GRID2: variants seen among roughly 807,000 people sequenced by gnomAD.
GRID2 encodes glutamate ionotropic receptor delta type subunit 2.
In GRID2, 33 loss-of-function variants were observed where a neutral mutation model predicts 114.8. The observed-to-expected ratio is 0.29, with a 90% CI of 0.22 to 0.38. GRID2 has a LOEUF of 0.38. Ranked by LOEUF, GRID2 falls within the 10% of genes least tolerant of loss-of-function variation. GRID2 has a pLI of 1.00. For synonymous variants in GRID2, 505 were observed against 449.9 expected (o/e 1.12, Z -1.55); for missense variants, 1,184 against 1,257.7 (o/e 0.94, Z 0.89).
chr4:92,379,928 G>A (rs1210272179), intron 1 of GRID2, among the ~76,000 whole-genome samples: 1 of 151,954 alleles, frequency 6.6e-6, no homozygotes, highest in Non-Finnish European at 1.5e-5. Context: ...AGAGGTGCCA[G>A]GCTGCACAAA....
At chr4:92,887,319 T>A (rs1746443963) in intron 2 of GRID2, among the ~76,000 whole-genome samples, 1 of 152,196 alleles carries the variant, frequency 6.6e-6, no homozygotes, top group Admixed American at 6.6e-5. Context: ...TGGTGCCTGG[T>A]GACTAGAAAA....
intron 11 of GRID2, among the ~76,000 whole-genome samples, chr4:93,458,869 G>T (rs530765310): frequency 1.3e-5 from 2 of 152,060 alleles, no homozygotes; most frequent in Non-Finnish European, 2.9e-5. Flanking sequence ...CCAAGAATGC[G>T]AATGTAAAGA....
chr4:92,612,477 G>A (rs1000774138), intron 2 of GRID2, among the ~76,000 whole-genome samples: 2 of 151,368 alleles, frequency 1.3e-5, no homozygotes, highest in Non-Finnish European at 3.0e-5. Flanking sequence ...CTTGCCAGTT[G>A]CTGCAAAATA....
chr4:92,596,917 A>G (rs1464684943), intron 2 of GRID2, among the ~76,000 whole-genome samples: 1 of 152,062 alleles, frequency 6.6e-6, no homozygotes, highest in Non-Finnish European at 1.5e-5. Flanking sequence ...ATAAAAATGT[A>G]TTTGAGGAAA....
intron 11 of GRID2, 50 bp downstream of exon 11, chr4:93,456,024 T>A: frequency 9.3e-7 from 1 of 1,073,118 alleles, no homozygotes. Flanking sequence ...GAATGTGATG[T>A]TTCCAAAGCC....
intron 1 of GRID2, among the ~76,000 whole-genome samples, chr4:93,800,465 A>G (rs904296876): frequency 1.3e-5 from 2 of 152,242 alleles, no homozygotes; most frequent in African/African-American, 4.8e-5. Context: ...AAACAGGATT[A>G]GTTTATGTTG....
At chr4:93,678,321 T>G (rs914908589) in intron 14 of GRID2, among the ~76,000 whole-genome samples, 3 of 152,106 alleles carry the variant, frequency 2.0e-5, no homozygotes, top group East Asian at 1.9e-4. Context: ...TGAAAGTGAC[T>G]GGGAGAATGG....
chr4:92,325,221 T>G (rs764083252), intron 1 of GRID2, among the ~76,000 whole-genome samples: 1 of 151,948 alleles, frequency 6.6e-6, no homozygotes, highest in African/African-American at 2.4e-5. Flanking sequence ...TTAGCACTTA[T>G]GGACAATTAA....
chr4:93,438,143 C>T (rs1446965853), intron 10 of GRID2, among the ~76,000 whole-genome samples: 1 of 152,040 alleles, frequency 6.6e-6, no homozygotes, highest in African/African-American at 2.4e-5. Flanking sequence ...GGGCACTGTG[C>T]CTGGCATCAT....
rs770186876 is a variant in GRID2 at position 92,411,653 on chromosome 4, G to GTATA, written c.88+106910_88+106911insATAT. Among the ~76,000 whole-genome samples the GTATA allele has an allele frequency of 4.6e-3, 450 of 98,806 alleles. 4 individuals carry two copies. The highest frequency in any genetic ancestry group is 8.3e-3 in the East Asian group (31 of 3,742). The allele number at this position is 98,806 out of a possible 152,430, so 64.8% of individuals were successfully genotyped here. A position where few individuals can be genotyped will look rare whatever the true frequency, so the allele number is the denominator to read the frequency against. The stretch of plus-strand genomic sequence containing the variant: ...TGTGTGTGTGTGTGTGTGTGTGTGT[G>GTATA]TGTATATATATATATATATATATAT... On this transcript the variant is annotated intron_variant, in intron 1 of 15. Coordinates refer to ENST00000282020, the MANE Select transcript of GRID2 (RefSeq NM_001510.4).
chr4:93,782,892 TACACACAC>T (rs57202855), intron 1 of GRID2, among the ~76,000 whole-genome samples: 1,794 of 149,712 alleles, frequency 0.012, 28 homozygotes, highest in African/African-American at 0.035. Context: ...CCATGAATCA[TACACACAC>T]ACACACACAC....
chr4:92,920,236 T>C (rs867118980), intron 2 of GRID2, among the ~76,000 whole-genome samples: 8 of 152,348 alleles, frequency 5.3e-5, no homozygotes, highest in Non-Finnish European at 1.2e-4. Flanking sequence ...TGAGCCTGTG[T>C]GTATCTCTGC....
At chr4:92,643,118 AT>A (rs1352558205) in intron 2 of GRID2, among the ~76,000 whole-genome samples, 1 of 151,228 alleles carries the variant, frequency 6.6e-6, no homozygotes, top group East Asian at 2.0e-4. Flanking sequence ...GAATAGTTTT[AT>A]TTTTTTAATT....
chr4:92,621,616 C>T lies in GRID2; in HGVS notation c.244+31330C>T, dbSNP rs1465521442. On this transcript the variant is annotated intron_variant, in intron 2 of 15. Coordinates refer to ENST00000282020, the MANE Select transcript of GRID2 (RefSeq NM_001510.4). ...TTCAAGGATGCAGTAAACTATATTA[C>T]ATCACTGCACTTAGCGCAGGGCAAA... Among the ~76,000 whole-genome samples, 4 of 151,722 alleles carry T rather than the reference C, an allele frequency of 2.6e-5. No homozygotes were observed. In the East Asian group the frequency reaches 5.9e-4, roughly 22 times the overall value.
intron 14 of GRID2, among the ~76,000 whole-genome samples, chr4:93,691,687 A>G (rs1321084023): frequency 6.6e-6 from 1 of 152,092 alleles, no homozygotes. Flanking sequence ...GACAAGAAAG[A>G]TGTGTGCTAT....
chr4:92,369,814 G>A (rs913000427), intron 1 of GRID2, among the ~76,000 whole-genome samples: 1 of 152,046 alleles, frequency 6.6e-6, no homozygotes, highest in Non-Finnish European at 1.5e-5. Flanking sequence ...ACTATAAGAG[G>A]TAGGAAATAA....
chr4:92,397,561 G>C (rs749980294), intron 1 of GRID2, among the ~76,000 whole-genome samples: 2 of 151,990 alleles, frequency 1.3e-5, no homozygotes, highest in Non-Finnish European at 2.9e-5. Context: ...CCAACATATG[G>C]AATAAACTGA....
intron 2 of GRID2, among the ~76,000 whole-genome samples, chr4:92,903,520 C>G (rs975280769): frequency 2.0e-5 from 3 of 151,874 alleles, no homozygotes; most frequent in Non-Finnish European, 4.4e-5. Context: ...GAGGAACCCA[C>G]AGGAATAAAT....
intron 1 of GRID2, among the ~76,000 whole-genome samples, chr4:92,575,735 G>A (rs1174844643): frequency 6.6e-6 from 1 of 152,148 alleles, no homozygotes; most frequent in African/African-American, 2.4e-5. Flanking sequence ...GAGTCCTTGG[G>A]CAACTCTTCA....
Sources: gnomAD v4.1 joint callset for allele counts (sites outside exome capture counted in the v4.1 genomes callset) on GRCh38, gnomAD v4.1.1 for gene constraint, MANE v1.5 for transcripts, NCBI Gene and HGNC (gene_info 2026-07-23, HGNC 2026-07-21) for gene names.